The following MARK2 variants were observed in gnomAD, a reference collection of about 807,000 sequenced individuals.
MARK2 encodes microtubule affinity regulating kinase 2, also known as serine/threonine-protein kinase MARK2.
MARK2 carries 16 observed loss-of-function variants against 89.8 expected under a neutral mutation model. The ratio of observed to expected loss-of-function variants is 0.18; its 90% CI spans 0.12 to 0.27. The LOEUF (loss-of-function observed/expected upper bound fraction) is 0.27. Among genes scored for constraint, MARK2 ranks in the 10% least tolerant of loss-of-function variants. The pLI is 1.00. For synonymous variants in MARK2, 382 were observed against 399.5 expected (o/e 0.96, Z 0.52); for missense variants, 621 against 1,049.9 (o/e 0.59, Z 5.65).
In MARK2 at chr11:63,904,795, C is replaced by A; in HGVS notation, c.1686C>A (p.Pro562=). The change falls in exon 16 of 19, where the codon CCC becomes CCA. Residue 562 remains proline (P), a synonymous_variant. Transcript: ENST00000402010. The surrounding 1 kb of genome is among the most constrained non-coding windows in gnomAD (Gnocchi z 6.3). ...NCEVPRPSTA[P]QRVPVASPSA... ...ACTTCTCTTCCCACAGCACAGCCCCCCAGCGTGTCCCTGTTGCCTCCCCAT... is the reference window on the plus strand; with the variant it reads ...ACTTCTCTTCCCACAGCACAGCCCCACAGCGTGTCCCTGTTGCCTCCCCAT... 6.2e-7 allele frequency: 1 copy of A among 1,614,010 alleles called. No individual in the cohort carries two copies. Among genetic ancestry groups the A allele is most frequent in the Non-Finnish European group, 8.5e-7 (1 of 1,179,898 alleles).
At chr11:63,888,530 C>T (rs1939551545) in intron 1 of MARK2, 1 of 1,020,572 alleles carries the variant, frequency 9.8e-7, no homozygotes, top group African/African-American at 1.7e-5. Flanking sequence ...TCTAAACCCG[C>T]CTCTTTCTCT....
At chr11:63,895,415 C>A (rs566600964) in intron 2 of MARK2, 77 bp downstream of exon 2, 3 of 1,501,170 alleles carry the variant, frequency 2.0e-6, no homozygotes, top group Non-Finnish European at 2.8e-6. Context: ...GGGACTACTA[C>A]TGCAGCCAAC....
chr11:63,901,089 T>G lies in MARK2; in HGVS notation c.1101+20T>G, dbSNP rs749646542. ...TCCGAGGTGTGTGCTCCCCGCCCCA[T>G]TCTCTGACCTGGCCAGCCTCACTGT... On this transcript the variant is annotated intron_variant, in intron 11 of 18. Coordinates refer to ENST00000402010, the MANE Select transcript of MARK2 (RefSeq NM_001039469.3). 6.6e-7 allele frequency: 1 copy of G among 1,510,498 alleles called. No homozygotes were observed. Among genetic ancestry groups the G allele is most frequent in the Non-Finnish European group, 9.2e-7 (1 of 1,085,696 alleles). 93.6% of individuals were successfully genotyped at this position (1,510,498 alleles called of 1,614,324 possible). A position where few individuals can be genotyped will look rare whatever the true frequency, so the allele number is the denominator to read the frequency against.
At position 63,900,878 on chromosome 11, in the gene MARK2, A is replaced by C; in HGVS notation, c.987A>C (p.Thr329=). 6.2e-7 allele frequency: 1 copy of C among 1,614,004 alleles called. No homozygotes were observed. Among genetic ancestry groups the C allele is most frequent in the Non-Finnish European group, 8.5e-7 (1 of 1,179,836 alleles). Residue 329 remains threonine, a splice_region_variant and synonymous_variant, in exon 10 of 19, where the codon ACA becomes ACC. Coordinates refer to ENST00000402010, the MANE Select transcript of MARK2 (RefSeq NM_001039469.3). This position sits in a 1 kb window ranked among gnomAD's most constrained non-coding sequence, Gnocchi z 4.7. The part of the protein sequence containing the change: ...PLPDYKDPRR[T]ELMVSMGYTR... ...CTGACTACAAGGACCCCCGGCGGAC[A>C]GGTGAGGCTGTGCCGGGCTGTGAGG... is the stretch of plus-strand genomic sequence containing the variant.
At chr11:63,883,882 C>T (rs568288717) in intron 1 of MARK2, among the ~76,000 whole-genome samples, 51 of 152,272 alleles carry the variant, frequency 3.3e-4, no homozygotes, top group Admixed American at 9.8e-4. Context: ...CCACCACGCC[C>T]GGCCAGATTT....
intron 1 of MARK2, among the ~76,000 whole-genome samples, chr11:63,871,067 C>T (rs1294080032): frequency 1.3e-5 from 2 of 152,146 alleles, no homozygotes; most frequent in Admixed American, 1.3e-4. Flanking sequence ...TGTGTATATA[C>T]CTACACACAC....
chr11:63,893,853 A>G (rs1380586795), intron 1 of MARK2, among the ~76,000 whole-genome samples: 1 of 152,248 alleles, frequency 6.6e-6, no homozygotes, highest in Non-Finnish European at 1.5e-5. Flanking sequence ...CCTTCAGGCC[A>G]TGTATATAAT....
At position 63,904,240 on chromosome 11, in the gene MARK2, C is replaced by G. The variant is rs1386477881; in HGVS notation, c.1676+93C>G. 6 of 1,178,602 alleles carry G rather than the reference C, an allele frequency of 5.1e-6. No individual in the cohort carries two copies. In the African/African-American group the frequency reaches 7.8e-5, roughly 15 times the overall value. 73.0% of individuals were successfully genotyped at this position (1,178,602 alleles called of 1,614,324 possible). On this transcript the variant is annotated intron_variant, in intron 15 of 18. Transcript: ENST00000402010. This position sits in a 1 kb window ranked among gnomAD's most constrained non-coding sequence, Gnocchi z 6.3. ...TTCTTCTTCCCACTTGGGGGTCCTG[C>G]TGTGTTCTTGTCATCTTAGCCACAA...
At chr11:63,897,166 C>G (rs1212011023) in intron 3 of MARK2, among the ~76,000 whole-genome samples, 1 of 152,200 alleles carries the variant, frequency 6.6e-6, no homozygotes, top group Non-Finnish European at 1.5e-5. Flanking sequence ...ACTTCCATGC[C>G]AGGTGAGCAG....
Position 63,839,258 on chromosome 11 carries a change from C to G in MARK2, c.-249C>G. The G allele has an allele frequency of 3.7e-6, 1 of 271,346 alleles. No individual in the cohort carries two copies. The highest frequency in any genetic ancestry group is 6.8e-6 in the Non-Finnish European group (1 of 146,608). 16.8% of individuals were successfully genotyped at this position (271,346 alleles called of 1,614,324 possible). On this transcript the variant is annotated 5_prime_UTR_variant, in exon 1 of 19. Transcript: ENST00000402010. ...AGTAGGCGGAGCGGCGCGGCCCGGC[C>G]GAAAGGCGGCACAGCCCAGCCGGGG...
chr11:63,859,479 C>T (rs909403886), intron 1 of MARK2, among the ~76,000 whole-genome samples: 1 of 151,808 alleles, frequency 6.6e-6, no homozygotes, highest in Non-Finnish European at 1.5e-5. Context: ...CGCCAGTATA[C>T]CCGGTTAATT....
At chr11:63,855,287 G>A (rs748985969) in intron 1 of MARK2, among the ~76,000 whole-genome samples, 3 of 152,182 alleles carry the variant, frequency 2.0e-5, no homozygotes, top group Non-Finnish European at 4.4e-5. Flanking sequence ...GGGAAGCTGA[G>A]GAGGGAGGAT....
intron 1 of MARK2, among the ~76,000 whole-genome samples, chr11:63,869,702 C>G (rs1390723118): frequency 6.6e-6 from 1 of 152,058 alleles, no homozygotes; most frequent in African/African-American, 2.4e-5. Flanking sequence ...ATTTTTTCAG[C>G]CTTAGGTGGA....
intron 1 of MARK2, among the ~76,000 whole-genome samples, chr11:63,892,726 AT>A (rs11412283): frequency 7.6e-4 from 93 of 122,104 alleles, no homozygotes; most frequent in African/African-American, 2.2e-3. Context: ...CAGACTCTGC[AT>A]TTTTTTTTTT....
intron 17 of MARK2, 57 bp downstream of exon 17, chr11:63,906,171 C>T (rs1244152019): frequency 6.4e-6 from 8 of 1,253,074 alleles, no homozygotes; most frequent in Non-Finnish European, 8.0e-6. Context: ...GTCCTGTGTC[C>T]TGCCTCCATC....
At chr11:63,879,378 T>C (rs1938962102) in intron 1 of MARK2, among the ~76,000 whole-genome samples, 1 of 152,088 alleles carries the variant, frequency 6.6e-6, no homozygotes. Context: ...GTTGTCCTCC[T>C]ATATGCCAAA....
intron 1 of MARK2, among the ~76,000 whole-genome samples, chr11:63,886,054 G>C (rs533843702): frequency 6.7e-6 from 1 of 149,750 alleles, no homozygotes; most frequent in Non-Finnish European, 1.5e-5. Flanking sequence ...ACTTGAACCC[G>C]GGAAGCAGAG....
In MARK2 at chr11:63,909,321, C is replaced by T; in HGVS notation, c.*84C>T. On this transcript the variant is annotated 3_prime_UTR_variant, in exon 19 of 19. Coordinates refer to ENST00000402010, the MANE Select transcript of MARK2 (RefSeq NM_001039469.3). ...GCGCCGCCCCACCTGGGCGAGACTG[C>T]AGCGATGGATTGGTGTGTCTCCCCT... The T allele has an allele frequency of 2.2e-6, 3 of 1,379,972 alleles. No individual in the cohort carries two copies. Among genetic ancestry groups the T allele is most frequent in the Non-Finnish European group, 2.9e-6 (3 of 1,037,014 alleles). 85.5% of individuals were successfully genotyped at this position (1,379,972 alleles called of 1,614,324 possible).
At chr11:63,893,418 AGGAT>A (rs1380720806) in intron 1 of MARK2, among the ~76,000 whole-genome samples, 2 of 41,998 alleles carry the variant, frequency 4.8e-5, no homozygotes, top group African/African-American at 2.4e-4. Flanking sequence ...TTCCCCGGTA[AGGAT>A]ATGCTACGTT....
Sources: allele counts gnomAD v4.1 joint callset (sites outside exome capture counted in the v4.1 genomes callset), GRCh38; gene constraint gnomAD v4.1.1; non-coding constraint Gnocchi (gnomAD v3.1); transcripts MANE v1.5; gene names NCBI Gene and HGNC (gene_info 2026-07-23, HGNC 2026-07-21).